EML5: variants seen among roughly 807,000 people sequenced by gnomAD.
EML5 encodes echinoderm microtubule-associated protein-like 5.
In EML5, 120 loss-of-function variants were observed where a neutral mutation model predicts 250.0. That is an observed-to-expected ratio of 0.48 (90% confidence interval 0.41 to 0.56). The LOEUF (loss-of-function observed/expected upper bound fraction) is 0.56, where lower values mean the gene tolerates loss of function less well. EML5 is among the 20% of genes least tolerant of loss of function. EML5 has a pLI of 0.00. For missense variants in EML5, 2,006 were observed against 2,437.6 expected, an observed-to-expected ratio of 0.82 and a Z score of 3.73; for synonymous variants, 771 against 806.5, an observed-to-expected ratio of 0.96 and a Z score of 0.75.
chr14:88,674,298 ACCCTGAGACTTG>A (rs2092544204), intron 21 of EML5, among the ~76,000 whole-genome samples: 1 of 151,890 alleles, frequency 6.6e-6, no homozygotes, highest in African/African-American at 2.4e-5. Context: ...AACAATAAAA[ACCCTGAGACTTG>A]GTAATTTATA....
chr14:88,767,140 T>C (rs906357220), intron 1 of EML5, among the ~76,000 whole-genome samples: 2 of 152,228 alleles, frequency 1.3e-5, no homozygotes, highest in African/African-American at 4.8e-5. Context: ...TTTTATTTAT[T>C]TCAGCAGACA....
intron 29 of EML5, among the ~76,000 whole-genome samples, chr14:88,644,953 C>T (rs1040668919): frequency 2.0e-5 from 3 of 152,048 alleles, no homozygotes; most frequent in East Asian, 1.9e-4. Context: ...CTCAGGTGAT[C>T]GGCCCGCCTG....
intron 9 of EML5, 32 bp downstream of exon 9, chr14:88,714,900 ATAGGTAC>A (rs777070794): frequency 1.9e-5 from 30 of 1,579,596 alleles, no homozygotes; most frequent in Non-Finnish European, 2.2e-5. Flanking sequence ...AAAATATTGT[ATAGGTAC>A]TACAAATCTA....
chr14:88,699,998 A>G (rs1012731221), intron 14 of EML5, among the ~76,000 whole-genome samples: 1 of 152,176 alleles, frequency 6.6e-6, no homozygotes, highest in Non-Finnish European at 1.5e-5. Flanking sequence ...ATATACACAC[A>G]GAATAATTTG....
intron 17 of EML5, among the ~76,000 whole-genome samples, chr14:88,691,724 C>G (rs1001533633): frequency 2.6e-4 from 40 of 152,264 alleles, no homozygotes; most frequent in African/African-American, 9.4e-4. Context: ...TAAAACTATG[C>G]ATTTAGAGGG....
At chr14:88,745,984 C>T (rs2093999144) in intron 3 of EML5, among the ~76,000 whole-genome samples, 1 of 152,082 alleles carries the variant, frequency 6.6e-6, no homozygotes, top group Non-Finnish European at 1.5e-5. Context: ...CATATCAAAT[C>T]ATGTTTCCAA....
chr14:88,736,659 G>A (rs948932826), intron 6 of EML5, 94 bp from the exon 7 acceptor site: 69 of 1,213,210 alleles, frequency 5.7e-5, no homozygotes, highest in South Asian at 1.1e-4. Context: ...GGCAAGTCCC[G>A]GTGAAAGCCA....
intron 32 of EML5, among the ~76,000 whole-genome samples, chr14:88,637,324 T>C (rs1479710608): frequency 6.6e-6 from 1 of 152,146 alleles, no homozygotes; most frequent in African/African-American, 2.4e-5. Context: ...AGAGGAGGGA[T>C]ATAATTAAAC....
rs559173217 is a variant in EML5, at chr14:88,635,520, G to A, written c.4337-1031C>T. On this transcript the variant is annotated intron_variant, in intron 32 of 43. Transcript: ENST00000554922. ...TACAAATGAAAGCTTGAATGTCATC[G>A]GCCTAAATATTTTAAAGCTATCCAT... 5.3e-5 allele frequency among the ~76,000 whole-genome samples: 8 copies of A among 152,160 alleles called. No homozygotes were observed. In the East Asian group the frequency reaches 7.7e-4, roughly 15 times the overall value.
At chr14:88,667,511 T>A (rs2092338892) in intron 21 of EML5, among the ~76,000 whole-genome samples, 1 of 152,158 alleles carries the variant, frequency 6.6e-6, no homozygotes, top group South Asian at 2.1e-4. Flanking sequence ...AGTTCAAATG[T>A]GTGTATAAAG....
chr14:88,711,365 A>G (rs2139849067), intron 10 of EML5, among the ~76,000 whole-genome samples: 1 of 79,948 alleles, frequency 1.3e-5, no homozygotes, highest in South Asian at 4.3e-4. Flanking sequence ...CTGATGGTTT[A>G]AAAGTGTTCA....
At chr14:88,705,031 T>C in intron 12 of EML5, 53 bp from the exon 13 acceptor site, 1 of 1,217,574 alleles carries the variant, frequency 8.2e-7, no homozygotes. Flanking sequence ...CTAATAAAGG[T>C]GTTCGTATAC....
intron 1 of EML5, among the ~76,000 whole-genome samples, chr14:88,774,106 G>T (rs889471845): frequency 6.6e-6 from 1 of 152,124 alleles, no homozygotes; most frequent in African/African-American, 2.4e-5. Flanking sequence ...TGACGAGAGC[G>T]AGACTCTGTC....
chr14:88,736,976 G>A (rs115964064), intron 6 of EML5, among the ~76,000 whole-genome samples: 2,836 of 152,172 alleles, frequency 0.019, 99 homozygotes, highest in African/African-American at 0.065. Context: ...TGGGTGGGGG[G>A]TTGGGGGCAG....
rs529393681 is a variant in EML5 at position 88,712,574 on chromosome 14, T to C, written c.1445-91A>G. 6.0e-6 allele frequency: 6 copies of C among 1,002,178 alleles called. No individual in the cohort carries two copies. The South Asian group carries it at 1.2e-4, about 20-fold the overall frequency. The allele number at this position is 1,002,178 out of a possible 1,614,324, so 62.1% of individuals were successfully genotyped here. ...ACTGAGAACATAGTAAATTCCAAAATTTAATGTATCTTCCCACCCCACTTA... is the reference window on the plus strand; with the variant it reads ...ACTGAGAACATAGTAAATTCCAAAACTTAATGTATCTTCCCACCCCACTTA... On this transcript the variant is annotated intron_variant, in intron 9 of 43. Coordinates refer to ENST00000554922, the MANE Select transcript of EML5 (RefSeq NM_183387.3).
intron 20 of EML5, among the ~76,000 whole-genome samples, chr14:88,682,371 ACAGACCTGCTCAC>A (rs1385866214): frequency 6.6e-6 from 1 of 151,948 alleles, no homozygotes; most frequent in East Asian, 1.9e-4. Flanking sequence ...GAGGAGCTCC[ACAGACCTGCTCAC>A]CAGTGAAACT....
At chr14:88,783,577 G>A (rs1452172666) in intron 1 of EML5, among the ~76,000 whole-genome samples, 2 of 152,180 alleles carry the variant, frequency 1.3e-5, no homozygotes, top group African/African-American at 2.4e-5. Context: ...CAAAGTCACC[G>A]TATAATGACA....
At position 88,658,381 on chromosome 14, in the gene EML5, A is replaced by C; in HGVS notation, c.3683T>G (p.Phe1228Cys). ...GGCCACATACCTCTTAAACTTTCCAAATTTCCCCTAAAGAGGAAGAAAATT... is the reference window on the plus strand; with the variant it reads ...GGCCACATACCTCTTAAACTTTCCACATTTCCCCTAAAGAGGAAGAAAATT... Reference protein sequence around the residue: ...KLFRYPTKGKFGKFKRYVAHS... With the variant: ...KLFRYPTKGKCGKFKRYVAHS... The change falls in exon 26 of 44, where the codon TTT (phenylalanine) becomes TGT (cysteine). Residue 1228 changes from phenylalanine (F) to cysteine (C), a missense_variant. This residue lies in a region of EML5 where 1,375 missense variants were observed against 1,590.3 expected (regional missense o/e 0.86). Transcript: ENST00000554922. The C allele has an allele frequency of 2.5e-6, 4 of 1,594,380 alleles. No individual in the cohort carries two copies. In the South Asian group the frequency reaches 3.5e-5, roughly 14 times the overall value.
At chr14:88,635,845 T>C (rs545928363) in intron 32 of EML5, among the ~76,000 whole-genome samples, 2 of 152,284 alleles carry the variant, frequency 1.3e-5, no homozygotes, top group Admixed American at 6.5e-5. Context: ...AGATTAGTGT[T>C]CTTATAAGAG....
Sources: allele counts gnomAD v4.1 joint callset (sites outside exome capture counted in the v4.1 genomes callset), GRCh38; gene constraint gnomAD v4.1.1; regional missense constraint gnomAD v4.1.1; transcripts MANE v1.5; gene names NCBI Gene and HGNC (gene_info 2026-07-23, HGNC 2026-07-21).